Variants in CCDC181 observed in about 807,000 individuals in gnomAD.
The protein encoded by CCDC181 is coiled-coil domain containing 181.
A neutral mutation model predicts 58.7 loss-of-function variants in CCDC181; 35 were observed. The observed-to-expected ratio is 0.60, with a 90% CI of 0.46 to 0.79. CCDC181 has a LOEUF of 0.79. Among genes scored for constraint, CCDC181 ranks in the 30% least tolerant of loss-of-function variants. CCDC181 has a pLI of 0.00. For synonymous variants in CCDC181, 183 were observed against 197.5 expected, an observed-to-expected ratio of 0.93 and a Z score of 0.62; for missense variants, 517 against 583.9, an observed-to-expected ratio of 0.89 and a Z score of 1.18.
intron 4 of CCDC181, among the ~76,000 whole-genome samples, chr1:169,404,124 T>G (rs895663034): frequency 2.4e-4 from 37 of 152,240 alleles, no homozygotes; most frequent in African/African-American, 8.7e-4. Flanking sequence ...AGAAGCTGAA[T>G]CCCTGAATAG....
At chr1:169,402,982 CA>C (rs200205840) in intron 4 of CCDC181, among the ~76,000 whole-genome samples, 12,240 of 122,598 alleles carry the variant, frequency 0.1, 642 homozygotes, top group Admixed American at 0.21. Flanking sequence ...GGAAAACAAA[CA>C]AAAAAAAAAA....
At chr1:169,420,024 G>A (rs1378569725) in intron 3 of CCDC181, among the ~76,000 whole-genome samples, 1 of 152,172 alleles carries the variant, frequency 6.6e-6, no homozygotes, top group Admixed American at 6.5e-5. Context: ...AACAAAGAGT[G>A]TGTGACATTC....
At chr1:169,427,824 T>C (rs1422666365), upstream of CCDC181, among the ~76,000 whole-genome samples, 1 of 152,240 alleles carries the variant, frequency 6.6e-6, no homozygotes, top group Non-Finnish European at 1.5e-5. Context: ...AGCTTCTTTT[T>C]TTCCTAATCA....
chr1:169,447,719 C>T (rs896050164), intron 2 of CCDC181, among the ~76,000 whole-genome samples: 1 of 152,142 alleles, frequency 6.6e-6, no homozygotes, highest in African/African-American at 2.4e-5. Context: ...ATTCTTATAT[C>T]TTCTTGGAGA....
chr1:169,433,283 C>G (rs1359354757), intron 2 of CCDC181, among the ~76,000 whole-genome samples: 1 of 151,758 alleles, frequency 6.6e-6, no homozygotes, highest in African/African-American at 2.4e-5. Flanking sequence ...ATGAAAGATG[C>G]ATACAATGTA....
chr1:169,399,757 T>C (rs1223763974), intron 4 of CCDC181, among the ~76,000 whole-genome samples: 1 of 152,204 alleles, frequency 6.6e-6, no homozygotes, highest in Non-Finnish European at 1.5e-5. Flanking sequence ...CTAGATAAAA[T>C]GTATGCAGCA....
Position 169,419,096 on chromosome 1 carries a change from C to T in CCDC181, c.1132G>A (p.Ala378Thr), listed in dbSNP as rs1286220732. The T allele has an allele frequency of 3.1e-6, 5 of 1,613,470 alleles. No individual in the cohort carries two copies. The highest frequency in any genetic ancestry group is 2.2e-5 in the East Asian group (1 of 44,844). ...TGCTCTCTTTTCTTTTGCAACCACG[C>T]TTTAAATACTATGTCATTCTCTCTC... is the stretch of plus-strand genomic sequence containing the variant. The part of the protein sequence containing the change: ...KKRENDIVFK[A>T]WLQKKREQVL... Residue 378 changes from alanine (A) to threonine (T), a missense_variant, in exon 4 of 6, where the codon GCG becomes ACG. By Grantham distance (58) the Ala-to-Thr change is moderately conservative. Transcript: ENST00000367806.
At chr1:169,398,696 C>T (rs1308503932) in intron 4 of CCDC181, among the ~76,000 whole-genome samples, 1 of 152,188 alleles carries the variant, frequency 6.6e-6, no homozygotes, top group South Asian at 2.1e-4. Context: ...TTAACAGACA[C>T]ACATGGCTAG....
chr1:169,437,361 T>G (rs555376940), intron 2 of CCDC181, among the ~76,000 whole-genome samples: 1 of 152,356 alleles, frequency 6.6e-6, no homozygotes, highest in Admixed American at 6.5e-5. Context: ...TGGCTAATGT[T>G]AGTCCTACAA....
At chr1:169,416,743 A>G (rs1179097702) in intron 4 of CCDC181, among the ~76,000 whole-genome samples, 1 of 151,946 alleles carries the variant, frequency 6.6e-6, no homozygotes, top group Non-Finnish European at 1.5e-5. Flanking sequence ...TTATTTTACT[A>G]TATGGTATCA....
intron 1 of CCDC181, among the ~76,000 whole-genome samples, chr1:169,427,036 C>T (rs1484527997): frequency 1.3e-5 from 2 of 152,004 alleles, no homozygotes; most frequent in South Asian, 2.1e-4. Flanking sequence ...AAGAATATGA[C>T]AAAAATTTAG....
At chr1:169,432,468 G>A (rs1387206231), upstream of CCDC181, among the ~76,000 whole-genome samples, 1 of 152,114 alleles carries the variant, frequency 6.6e-6, no homozygotes, top group Non-Finnish European at 1.5e-5. Context: ...TAAAGGATAT[G>A]AATATGATCA....
chr1:169,458,185 T>TG lies in CCDC181; in HGVS notation c.-24+1611_-24+1612insC, dbSNP rs1336907352. Among the ~76,000 whole-genome samples, 213 of 119,700 alleles carry TG rather than the reference T, an allele frequency of 1.8e-3. 2 individuals carry two copies. Among genetic ancestry groups the TG allele is most frequent in the African/African-American group, 5.0e-3 (152 of 30,466 alleles). 78.5% of individuals were successfully genotyped at this position (119,700 alleles called of 152,430 possible). A position where few individuals can be genotyped will look rare whatever the true frequency, so the allele number is the denominator to read the frequency against. On this transcript the variant is annotated intron_variant, in intron 2 of 6. Coordinates refer to the CCDC181 transcript ENST00000545005. Reference sequence around the variant, plus strand: ...GCAAAAGTAATTTTTGTTTTTTTTTTTTTGTTTTGTTTTTTTTGCCATTTA... The same window carrying TG: ...GCAAAAGTAATTTTTGTTTTTTTTTTGTTTGTTTTGTTTTTTTTGCCATTTA...
chr1:169,437,036 A>G (rs1274709609), intron 2 of CCDC181, among the ~76,000 whole-genome samples: 1 of 152,138 alleles, frequency 6.6e-6, no homozygotes. Context: ...TTATTACTCA[A>G]ATCAGTCTCC....
At chr1:169,432,461 A>G (rs544255332), upstream of CCDC181, among the ~76,000 whole-genome samples, 1 of 152,274 alleles carries the variant, frequency 6.6e-6, no homozygotes, top group East Asian at 1.9e-4. Flanking sequence ...AGTTTAATAA[A>G]GGATATGAAT....
In CCDC181 at chr1:169,408,587, G is replaced by A. The variant is rs138851452; in HGVS notation, c.1215+10426C>T. On this transcript the variant is annotated intron_variant, in intron 4 of 5. Coordinates refer to ENST00000367806, the MANE Select transcript of CCDC181 (RefSeq NM_001300969.2). ...CTCCTCCAGTGGGTCCCTAACCCCC[G>A]CGCCTCCTGACTGGGAGACACCTCC... 1.2e-3 allele frequency among the ~76,000 whole-genome samples: 187 copies of A among 152,296 alleles called. 2 individuals carry two copies. Among genetic ancestry groups the A allele is most frequent in the African/African-American group, 3.9e-3 (163 of 41,582 alleles).
At chr1:169,427,578 G>C (rs2102107709), upstream of CCDC181, 1 of 152,340 alleles carries the variant, frequency 6.6e-6, no homozygotes, top group South Asian at 2.1e-4. Context: ...GTTTCTAAGG[G>C]GACGACTAAG....
At chr1:169,430,303 G>T (rs1656880758), upstream of CCDC181, among the ~76,000 whole-genome samples, 1 of 151,586 alleles carries the variant, frequency 6.6e-6, no homozygotes, top group Non-Finnish European at 1.5e-5. Flanking sequence ...TGAATTTGAG[G>T]GTTGTTTTTT....
intron 2 of CCDC181, among the ~76,000 whole-genome samples, chr1:169,423,857 C>A (rs1045909487): frequency 6.6e-6 from 1 of 151,992 alleles, no homozygotes; most frequent in Admixed American, 6.6e-5. Context: ...TTAGAAAAAT[C>A]TTCACTTTTG....
Sources: gnomAD v4.1 joint callset for allele counts (sites outside exome capture counted in the v4.1 genomes callset) on GRCh38, gnomAD v4.1.1 for gene constraint, MANE v1.5 for transcripts, NCBI Gene and HGNC (gene_info 2026-07-23, HGNC 2026-07-21) for gene names.